Variants in ARF4 observed in about 807,000 individuals in gnomAD.
ARF4 encodes the protein ADP-ribosylation factor 4.
Under a neutral mutation model 24.3 loss-of-function variants are expected in ARF4, and 5 were observed. That is an observed-to-expected ratio of 0.21 (90% CI 0.11 to 0.43). The LOEUF (loss-of-function observed/expected upper bound fraction) is 0.43. Ranked by LOEUF, ARF4 falls within the 20% of genes least tolerant of loss-of-function variation. The pLI, the probability that ARF4 is intolerant of heterozygous loss-of-function variation, is 1.00. For synonymous variants in ARF4, 62 were observed against 73.5 expected, an observed-to-expected ratio of 0.84 and a Z score of 0.80; for missense variants, 107 against 213.0, an observed-to-expected ratio of 0.50 and a Z score of 3.10.
chr3:57,579,474 G>A (rs1254533601), intron 3 of ARF4, among the ~76,000 whole-genome samples: 1 of 151,882 alleles, frequency 6.6e-6, no homozygotes, highest in Admixed American at 6.6e-5. Flanking sequence ...TTTTAGTAGA[G>A]ATGAGATTTT....
intron 2 of ARF4, 125 bp downstream of exon 2, chr3:57,584,259 G>A (rs1156611677): frequency 8.2e-6 from 8 of 980,290 alleles, no homozygotes; most frequent in South Asian, 3.2e-5. Context: ...CACCACACCC[G>A]GCCTGTTTTA....
chr3:57,588,680 C>T (rs2070067695), intron 1 of ARF4, among the ~76,000 whole-genome samples: 1 of 140,882 alleles, frequency 7.1e-6, no homozygotes, highest in African/African-American at 2.7e-5. Context: ...ATGGAGAAAG[C>T]CCGTCTCTAC....
At position 57,584,197 on chromosome 3, in the gene ARF4, A is replaced by C. The variant is rs1448100804; in HGVS notation, c.148+187T>G. ...AGGCTGGTCTTGAACTCCTGGGCTCAAGCAATCCACCCGCCTCGGCCTCCC... is the reference window on the plus strand; with the variant it reads ...AGGCTGGTCTTGAACTCCTGGGCTCCAGCAATCCACCCGCCTCGGCCTCCC... On this transcript the variant is annotated intron_variant, in intron 2 of 5. Transcript: ENST00000303436. 2.6e-5 allele frequency: 19 copies of C among 717,596 alleles called. No individual in the cohort carries two copies. In the Admixed American group the frequency reaches 4.5e-4, roughly 17 times the overall value. The allele number at this position is 717,596 out of a possible 1,614,324, so 44.5% of individuals were successfully genotyped here. A position where few individuals can be genotyped will look rare whatever the true frequency, so the allele number is the denominator to read the frequency against.
intron 1 of ARF4, among the ~76,000 whole-genome samples, chr3:57,594,522 T>A (rs557440249): frequency 6.6e-6 from 1 of 152,380 alleles, no homozygotes; most frequent in South Asian, 2.1e-4. Context: ...GTTGGTTTTT[T>A]AATTACAGTT....
intron 1 of ARF4, among the ~76,000 whole-genome samples, chr3:57,586,370 T>C (rs2070036793): frequency 6.6e-6 from 1 of 152,208 alleles, no homozygotes; most frequent in Admixed American, 6.5e-5. Context: ...ATCTCACTTA[T>C]CTAATTTACA....
intron 5 of ARF4, among the ~76,000 whole-genome samples, chr3:57,572,888 A>G: frequency 6.6e-6 from 1 of 151,980 alleles, no homozygotes; most frequent in Admixed American, 6.6e-5. Flanking sequence ...TCAAAGTAGA[A>G]GAGGCAAATT....
intron 5 of ARF4, 23 bp from the exon 6 acceptor site, chr3:57,572,321 T>C: frequency 1.9e-6 from 3 of 1,566,086 alleles, no homozygotes; most frequent in Non-Finnish European, 8.8e-7. Flanking sequence ...GACAAGAAAA[T>C]ACTTGATTAA....
At chr3:57,573,201 C>CAAAA (rs35901487) in intron 5 of ARF4, among the ~76,000 whole-genome samples, 1 of 125,800 alleles carries the variant, frequency 7.9e-6, no homozygotes, top group Non-Finnish European at 1.6e-5. Context: ...GACTCCATCT[C>CAAAA]AAAAAAAAAA....
chr3:57,574,509 A>G (rs1380087464), intron 5 of ARF4, among the ~76,000 whole-genome samples: 1 of 151,206 alleles, frequency 6.6e-6, no homozygotes, highest in African/African-American at 2.4e-5. Flanking sequence ...TTCTGGGTTC[A>G]AACAGTCCTC....
chr3:57,592,920 G>A (rs908218565), intron 1 of ARF4, among the ~76,000 whole-genome samples: 3 of 152,106 alleles, frequency 2.0e-5, no homozygotes, highest in African/African-American at 4.8e-5. Context: ...AAGGCTGAGC[G>A]TGTACCAGGT....
chr3:57,584,903 G>A (rs925425724), intron 1 of ARF4, among the ~76,000 whole-genome samples: 1 of 152,118 alleles, frequency 6.6e-6, no homozygotes, highest in Non-Finnish European at 1.5e-5. Context: ...TCGCTCTGTT[G>A]TCCAGGCGGG....
Position 57,590,137 on chromosome 3 carries a change from C to A in ARF4, c.68-5673G>T, listed in dbSNP as rs1276709306. 1.3e-4 allele frequency among the ~76,000 whole-genome samples: 15 copies of A among 117,008 alleles called. No homozygotes were observed. In the South Asian group the frequency reaches 2.4e-3, roughly 19 times the overall value. 76.8% of individuals were successfully genotyped at this position (117,008 alleles called of 152,430 possible). ...TAAATAAATAAATAAATAAATAAAA[C>A]AAAAAACAAAAAAAGAACATCTATA... On this transcript the variant is annotated intron_variant, in intron 1 of 5. Coordinates refer to ENST00000303436, the MANE Select transcript of ARF4 (RefSeq NM_001660.4).
chr3:57,596,111 G>C (rs1330407901), intron 1 of ARF4, among the ~76,000 whole-genome samples: 2 of 152,114 alleles, frequency 1.3e-5, no homozygotes, highest in South Asian at 2.1e-4. Context: ...AACCGGGAGC[G>C]GTTGCTTACT....
chr3:57,582,066 A>C (rs1003396352), intron 3 of ARF4, among the ~76,000 whole-genome samples: 12 of 152,200 alleles, frequency 7.9e-5, no homozygotes, highest in Admixed American at 7.2e-4. Context: ...TACAATGCAA[A>C]TATTCCAAAA....
intron 1 of ARF4, among the ~76,000 whole-genome samples, chr3:57,585,955 T>G (rs1438684557): frequency 1.3e-5 from 2 of 152,054 alleles, no homozygotes; most frequent in Non-Finnish European, 2.9e-5. Context: ...AACCACTGTG[T>G]CCGGCCTAAA....
At chr3:57,590,902 G>A (rs945037866) in intron 1 of ARF4, among the ~76,000 whole-genome samples, 2 of 152,184 alleles carry the variant, frequency 1.3e-5, no homozygotes, top group Middle Eastern at 3.4e-3. Context: ...CCCAGGCTGC[G>A]TAATAGTTTA....
intron 1 of ARF4, among the ~76,000 whole-genome samples, chr3:57,587,900 T>C (rs1283382605): frequency 1.3e-5 from 2 of 152,202 alleles, no homozygotes; most frequent in Non-Finnish European, 2.9e-5. Flanking sequence ...GCTGTATAAA[T>C]GCAAATTAAG....
At chr3:57,591,402 G>GAAAAA (rs1164136803) in intron 1 of ARF4, among the ~76,000 whole-genome samples, 1 of 143,770 alleles carries the variant, frequency 7.0e-6, no homozygotes, top group African/African-American at 2.5e-5. Flanking sequence ...TAATGAAAAG[G>GAAAAA]AAAAAAAAAA....
At chr3:57,583,661 C>T (rs2153408943) in intron 3 of ARF4, among the ~76,000 whole-genome samples, 1 of 152,262 alleles carries the variant, frequency 6.6e-6, no homozygotes, top group East Asian at 1.9e-4. Flanking sequence ...TTGTGAACTA[C>T]ACCAGCACCC....
Sources: allele counts gnomAD v4.1 joint callset (sites outside exome capture counted in the v4.1 genomes callset), GRCh38; gene constraint gnomAD v4.1.1; transcripts MANE v1.5; gene names NCBI Gene and HGNC (gene_info 2026-07-23, HGNC 2026-07-21).